Variants in USP5 observed in about 807,000 individuals in gnomAD.
USP5 encodes ubiquitin carboxyl-terminal hydrolase 5.
USP5 carries 24 observed loss-of-function variants against 102.5 expected under a neutral mutation model. The ratio of observed to expected loss-of-function variants is 0.23; its 90% CI spans 0.17 to 0.33. USP5 has a LOEUF of 0.33. Ranked by LOEUF, USP5 falls within the 10% of genes least tolerant of loss-of-function variation. The pLI, the probability that USP5 is intolerant of heterozygous loss-of-function variation, is 1.00. For missense variants in USP5, 753 were observed against 1,122.1 expected, an observed-to-expected ratio of 0.67 and a Z score of 4.70; for synonymous variants, 460 against 434.8, an observed-to-expected ratio of 1.06 and a Z score of -0.72.
In USP5 at chr12:6,855,532, A is replaced by C; in HGVS notation, c.237+6A>C. 6.2e-7 allele frequency: 1 copy of C among 1,614,038 alleles called. No homozygotes were observed. Among genetic ancestry groups the C allele is most frequent in the Non-Finnish European group, 8.5e-7 (1 of 1,180,034 alleles). On this transcript the variant is annotated splice_donor_region_variant and intron_variant, in intron 2 of 19. Transcript: ENST00000229268. The surrounding 1 kb of genome is among the most constrained non-coding windows in gnomAD (Gnocchi z 4.6). ...TCCGGCGGACCCGGCGCCCGGTAGG[A>C]GCAGGGCTGGGGCAAGGCCTGGGTA...
chr12:6,859,468 AG>A lies in USP5; in HGVS notation c.1059del. The A allele has an allele frequency of 1.2e-6, 2 of 1,613,974 alleles. No individual in the cohort carries two copies. The highest frequency in any genetic ancestry group is 1.7e-6 in the Non-Finnish European group (2 of 1,179,966). On this transcript the variant is annotated splice_acceptor_variant, in intron 8 of 19. Transcript: ENST00000229268. LOFTEE classifies it high-confidence loss of function. ...TCCAACTGTCCTTCCCTTGACTTTT[AG>A]GTATGTGGATAAGCTGGAGAAGATC...
chr12:6,859,377 G>C lies in USP5; in HGVS notation c.1059-93G>C, dbSNP rs956074281. On this transcript the variant is annotated intron_variant, in intron 8 of 19. Coordinates refer to ENST00000229268, the MANE Select transcript of USP5 (RefSeq NM_001098536.2). The stretch of plus-strand genomic sequence containing the variant: ...CAGCAACTCCCCACTCTTGAGGGGA[G>C]CCCGTTCACAGAGTTAGTAAATGTT... The C allele has an allele frequency of 3.1e-6, 4 of 1,298,890 alleles. No individual in the cohort carries two copies. The African/African-American group carries it at 5.8e-5, about 19-fold the overall frequency. The allele number at this position is 1,298,890 out of a possible 1,614,324, so 80.5% of individuals were successfully genotyped here. A position where few individuals can be genotyped will look rare whatever the true frequency, so the allele number is the denominator to read the frequency against.
chr12:6,857,034 C>A, intron 6 of USP5, 143 bp downstream of exon 6: 3 of 1,173,054 alleles, frequency 2.6e-6, no homozygotes, highest in Non-Finnish European at 3.5e-6. Flanking sequence ...GTTTGCAATC[C>A]CAACACTTTG....
At chr12:6,852,331 T>C (rs1207760805) in intron 1 of USP5, 41 bp downstream of exon 1, 4 of 1,565,328 alleles carry the variant, frequency 2.6e-6, no homozygotes, top group Non-Finnish European at 3.5e-6. Flanking sequence ...ACGACTTCCT[T>C]CCATCGCCCT....
Position 6,865,200 on chromosome 12 carries a change from C to G in USP5, c.2435C>G (p.Thr812Ser). The change falls in exon 19 of 20, where the codon ACC becomes AGC. Residue 812 changes from threonine to serine, a missense_variant. By Grantham distance (58) the Thr-to-Ser change is moderately conservative. This residue lies in a region of USP5 where 33 missense variants were observed against 75.3 expected (regional missense o/e 0.44). Transcript: ENST00000229268. ...TTTGCCTTCATTAGTCACATGGGCA[C>G]CTCTACCATGTGTGGTCACTACGTC... ...QLFAFISHMG[T>S]STMCGHYVCH... 1.2e-6 allele frequency: 2 copies of G among 1,614,070 alleles called. No homozygotes were observed. The highest frequency in any genetic ancestry group is 1.7e-6 in the Non-Finnish European group (2 of 1,179,924).
In USP5 at chr12:6,860,008, T is replaced by C. The variant is rs1002009462; in HGVS notation, c.1131-143T>C. The C allele has an allele frequency of 2.3e-6, 2 of 882,332 alleles. No homozygotes were observed. The highest frequency in any genetic ancestry group is 3.4e-5 in the African/African-American group (2 of 58,532). 54.7% of individuals were successfully genotyped at this position (882,332 alleles called of 1,614,324 possible). A position where few individuals can be genotyped will look rare whatever the true frequency, so the allele number is the denominator to read the frequency against. ...GACTGTCTTCTGGACGTGTTGTCTG[T>C]CTTGAGCTGGGTTCCTGTAGAATCT... On this transcript the variant is annotated intron_variant, in intron 9 of 19. Transcript: ENST00000229268. This position sits in a 1 kb window ranked among gnomAD's most constrained non-coding sequence, Gnocchi z 5.5.
intron 7 of USP5, 108 bp downstream of exon 7, chr12:6,857,831 C>A: frequency 9.6e-7 from 1 of 1,036,940 alleles, no homozygotes; most frequent in Admixed American, 2.0e-5. Flanking sequence ...TAGTTAACCC[C>A]ATCCCCAAGA....
rs1308021391 is a variant in USP5, at chr12:6,856,850, C to T, written c.728C>T (p.Pro243Leu). 1 of 1,614,044 alleles carries T rather than the reference C, an allele frequency of 6.2e-7. No homozygotes were observed. Among genetic ancestry groups the T allele is most frequent in the Non-Finnish European group, 8.5e-7 (1 of 1,180,036 alleles). ...AVEHYRETGY[P>L]LAVKLGTITP... ...GAGCACTACCGAGAGACAGGCTACCCGTTAGCTGTCAAGCTGGGCACCATC... is the reference window on the plus strand; with the variant it reads ...GAGCACTACCGAGAGACAGGCTACCTGTTAGCTGTCAAGCTGGGCACCATC... The change falls in exon 6 of 20, where the codon CCG (proline) becomes CTG (leucine). Residue 243 changes from proline to leucine, a missense_variant. By Grantham distance (98) the Pro-to-Leu change is moderately conservative. Around this residue, in one of 3 missense-constraint regions of USP5, gnomAD observed 527 missense variants for 816.5 expected, o/e 0.65. Coordinates refer to ENST00000229268, the MANE Select transcript of USP5 (RefSeq NM_001098536.2). The surrounding 1 kb of genome is among the most constrained non-coding windows in gnomAD (Gnocchi z 5.6).
Position 6,856,916 on chromosome 12 carries a change from C to T in USP5, c.769+25C>T, listed in dbSNP as rs1591606075. 1.9e-6 allele frequency: 3 copies of T among 1,607,672 alleles called. No individual in the cohort carries two copies. Among genetic ancestry groups the T allele is most frequent in the Non-Finnish European group, 1.7e-6 (2 of 1,175,784 alleles). ...GGTACAGCCTCCCCTCCTCCAGCCACTCTCATGCTTAAATATATTTCATTT... is the reference window on the plus strand; with the variant it reads ...GGTACAGCCTCCCCTCCTCCAGCCATTCTCATGCTTAAATATATTTCATTT... On this transcript the variant is annotated intron_variant, in intron 6 of 19. Coordinates refer to ENST00000229268, the MANE Select transcript of USP5 (RefSeq NM_001098536.2). The surrounding 1 kb of genome is among the most constrained non-coding windows in gnomAD (Gnocchi z 5.6).
Position 6,856,100 on chromosome 12 carries a change from G to C in USP5, c.388G>C (p.Glu130Gln), listed in dbSNP as rs1944103065. Residue 130 changes from glutamate (E) to glutamine (Q), a missense_variant, in exon 4 of 20, where the codon GAG becomes CAG. By Grantham distance (29) the Glu-to-Gln change is conservative. This residue lies in a region of USP5 where 527 missense variants were observed against 816.5 expected (regional missense o/e 0.65). Transcript: ENST00000229268. This position sits in a 1 kb window ranked among gnomAD's most constrained non-coding sequence, Gnocchi z 5.6. The stretch of plus-strand genomic sequence containing the variant: ...GATTGTCATTTTGCCAGATTACCTG[G>C]AGATTGCCCGGGATGGACTGGGGGG... ...VKIVILPDYL[E>Q]IARDGLGGLP... is the part of the protein sequence containing the mutation. 1.2e-6 allele frequency: 2 copies of C among 1,614,056 alleles called. No homozygotes were observed. The highest frequency in any genetic ancestry group is 3.3e-5 in the Admixed American group (2 of 60,004).
In USP5 at chr12:6,860,049, GT is replaced by G. The variant is rs1321265530; in HGVS notation, c.1131-100del. Reference sequence around the variant, plus strand: ...TGTAGAATCTAAGGTTTTTCACGTTGTTGAGAGTTAGCTAGGGAGAGCCACG... The same window carrying G: ...TGTAGAATCTAAGGTTTTTCACGTTGTGAGAGTTAGCTAGGGAGAGCCACG... On this transcript the variant is annotated intron_variant, in intron 9 of 19. Transcript: ENST00000229268. This position sits in a 1 kb window ranked among gnomAD's most constrained non-coding sequence, Gnocchi z 5.5. The G allele has an allele frequency of 7.8e-7, 1 of 1,283,162 alleles. No individual in the cohort carries two copies. The highest frequency in any genetic ancestry group is 1.1e-6 in the Non-Finnish European group (1 of 905,304). The allele number at this position is 1,283,162 out of a possible 1,614,324, so 79.5% of individuals were successfully genotyped here. A position where few individuals can be genotyped will look rare whatever the true frequency, so the allele number is the denominator to read the frequency against.
intron 1 of USP5, among the ~76,000 whole-genome samples, chr12:6,853,042 A>G (rs1437617655): frequency 6.6e-6 from 1 of 151,790 alleles, no homozygotes; most frequent in Non-Finnish European, 1.5e-5. Context: ...GGCTAGTTAC[A>G]CAAAGCCACC....
Position 6,866,043 on chromosome 12 carries a change from G to T in USP5, c.2543G>T (p.Gly848Val). 1 of 1,614,096 alleles carries T rather than the reference G, an allele frequency of 6.2e-7. No homozygotes were observed. The highest frequency in any genetic ancestry group is 8.5e-7 in the Non-Finnish European group (1 of 1,180,024). ...TCCGAGAAGCCGCCCAAGGACCTGG[G>T]CTACATCTACTTCTACCAGAGAGTG... ...CASEKPPKDL[G>V]YIYFYQRVAS The change falls in exon 20 of 20, where the codon GGC becomes GTC. Residue 848 changes from glycine (G) to valine (V), a missense_variant. Around this residue, in one of 3 missense-constraint regions of USP5, gnomAD observed 33 missense variants for 75.3 expected, o/e 0.44. Coordinates refer to ENST00000229268, the MANE Select transcript of USP5 (RefSeq NM_001098536.2). The surrounding 1 kb of genome is among the most constrained non-coding windows in gnomAD (Gnocchi z 4.7).
rs1555130820 is a variant in USP5 at position 6,866,098 on chromosome 12, C to T, written c.*21C>T. On this transcript the variant is annotated 3_prime_UTR_variant, in exon 20 of 20. Transcript: ENST00000229268. The surrounding 1 kb of genome is among the most constrained non-coding windows in gnomAD (Gnocchi z 4.7). ...GCTAAGAGCCTGCCTCACCCCTTACCAATGAGGGCAGGGGAAGACCACCTG... is the reference window on the plus strand; with the variant it reads ...GCTAAGAGCCTGCCTCACCCCTTACTAATGAGGGCAGGGGAAGACCACCTG... 15 of 1,609,602 alleles carry T rather than the reference C, an allele frequency of 9.3e-6. No homozygotes were observed. The highest frequency in any genetic ancestry group is 1.3e-5 in the Non-Finnish European group (15 of 1,175,948).
At position 6,864,207 on chromosome 12, in the gene USP5, C is replaced by T. The variant is rs782187171; in HGVS notation, c.2244+12C>T. 1 of 1,592,522 alleles carries T rather than the reference C, an allele frequency of 6.3e-7. No homozygotes were observed. Among genetic ancestry groups the T allele is most frequent in the African/African-American group, 1.3e-5 (1 of 74,294 alleles). ...CGCTGCGGGCCACGGTATGGGCTGC[C>T]CCAGCTAAGGACATGGGGCCAGTGG... On this transcript the variant is annotated intron_variant, in intron 17 of 19. Transcript: ENST00000229268. This position sits in a 1 kb window ranked among gnomAD's most constrained non-coding sequence, Gnocchi z 4.8.
chr12:6,865,313 AGTCCTT>A (rs1944408533), intron 19 of USP5, 65 bp downstream of exon 19: 4 of 1,444,450 alleles, frequency 2.8e-6, no homozygotes, highest in Non-Finnish European at 2.9e-6. Context: ...GCCATTTGGA[AGTCCTT>A]GGGATAGCTA....
chr12:6,858,756 C>T lies in USP5; in HGVS notation c.1058+139C>T, dbSNP rs979271384. On this transcript the variant is annotated intron_variant, in intron 8 of 19. Transcript: ENST00000229268. The surrounding 1 kb of genome is among the most constrained non-coding windows in gnomAD (Gnocchi z 4.2). ...CCTATCGGCTGGGTGTGTTGGCCCA[C>T]ACCCGTAATCCCAGTACTTCGGGAG... 14 of 770,522 alleles carry T rather than the reference C, an allele frequency of 1.8e-5. No homozygotes were observed. In the African/African-American group the frequency reaches 2.1e-4, roughly 11 times the overall value. 47.7% of individuals were successfully genotyped at this position (770,522 alleles called of 1,614,324 possible).
intron 8 of USP5, 136 bp from the exon 9 acceptor site, chr12:6,859,334 G>A (rs782529237): frequency 6.3e-6 from 5 of 795,892 alleles, no homozygotes; most frequent in East Asian, 2.7e-5. Flanking sequence ...GGAGAGAAGC[G>A]ACTCCAAGGT....
intron 1 of USP5, among the ~76,000 whole-genome samples, chr12:6,852,801 G>C (rs1276729351): frequency 3.3e-5 from 5 of 152,150 alleles, no homozygotes; most frequent in African/African-American, 1.2e-4. Flanking sequence ...GAAAGGCAGA[G>C]AGCCTCCACC....
Sources: gnomAD v4.1 joint callset for allele counts (sites outside exome capture counted in the v4.1 genomes callset) on GRCh38, gnomAD v4.1.1 for gene constraint, gnomAD v4.1.1 regional missense constraint, Gnocchi (gnomAD v3.1) non-coding constraint, MANE v1.5 for transcripts, NCBI Gene and HGNC (gene_info 2026-07-23, HGNC 2026-07-21) for gene names.